Variants in HIPK3 observed in about 807,000 individuals in gnomAD.
HIPK3 encodes the protein homeodomain-interacting protein kinase 3.
HIPK3 carries 47 observed loss-of-function variants against 124.2 expected under a neutral mutation model. The ratio of observed to expected loss-of-function variants is 0.38; its 90% CI spans 0.30 to 0.48. The LOEUF is 0.48. HIPK3 is among the 20% of genes least tolerant of loss of function. The pLI, the probability that HIPK3 is intolerant of heterozygous loss-of-function variation, is 0.98. For missense variants in HIPK3, 1,286 were observed against 1,454.3 expected (o/e 0.88, Z 1.88); for synonymous variants, 482 against 515.2 (o/e 0.94, Z 0.87).
chr11:33,258,228 T>C (rs1203690776), intron 1 of HIPK3: 2 of 672,160 alleles, frequency 3.0e-6, no homozygotes, highest in African/African-American at 2.0e-5. Flanking sequence ...CTGCCAAGGT[T>C]GCGCAACGGC....
chr11:33,350,202 C>T (rs1407066009), intron 14 of HIPK3, among the ~76,000 whole-genome samples: 2 of 152,270 alleles, frequency 1.3e-5, no homozygotes, highest in East Asian at 3.9e-4. Flanking sequence ...ATGAAGTACT[C>T]ACTGGCCCAC....
At chr11:33,325,896 A>G (rs12289472) in intron 2 of HIPK3, among the ~76,000 whole-genome samples, 17 of 152,126 alleles carry the variant, frequency 1.1e-4, no homozygotes, top group Admixed American at 9.8e-4. Flanking sequence ...GTATACATCC[A>G]TACACACACT....
intron 2 of HIPK3, among the ~76,000 whole-genome samples, chr11:33,316,181 G>A (rs1166233752): frequency 6.6e-6 from 1 of 152,156 alleles, no homozygotes. Flanking sequence ...TTTGAAATCT[G>A]TCTACCTTTC....
intron 2 of HIPK3, among the ~76,000 whole-genome samples, chr11:33,317,945 C>T (rs1157769262): frequency 6.6e-6 from 1 of 152,028 alleles, no homozygotes; most frequent in East Asian, 1.9e-4. Flanking sequence ...TCTGTGTCCC[C>T]CAAAATAAGA....
chr11:33,293,663 T>A (rs1252511794), intron 2 of HIPK3, among the ~76,000 whole-genome samples: 2 of 152,182 alleles, frequency 1.3e-5, no homozygotes, highest in Admixed American at 1.3e-4. Context: ...ATTTTACGTA[T>A]ACATTCATCA....
chr11:33,330,311 G>T (rs939860889), intron 3 of HIPK3, among the ~76,000 whole-genome samples: 1 of 151,914 alleles, frequency 6.6e-6, no homozygotes, highest in Non-Finnish European at 1.5e-5. Context: ...GTTCAGTGGG[G>T]TTTTTTTGTC....
intron 2 of HIPK3, among the ~76,000 whole-genome samples, chr11:33,296,983 G>C (rs796276986): frequency 2.3e-4 from 35 of 152,254 alleles, no homozygotes; most frequent in African/African-American, 7.9e-4. Flanking sequence ...GTGGCAAACA[G>C]TCAAGTGGCG....
intron 8 of HIPK3, 87 bp downstream of exon 8, chr11:33,341,773 T>C (rs1590188033): frequency 7.8e-7 from 1 of 1,274,892 alleles, no homozygotes; most frequent in Non-Finnish European, 1.1e-6. Flanking sequence ...ATATATTGTA[T>C]AATTTTTGCT....
In HIPK3 at chr11:33,353,532, G is replaced by A. The variant is rs1173232803; in HGVS notation, c.3612G>A (p.Leu1204=). 1.2e-6 allele frequency: 2 copies of A among 1,613,100 alleles called. No homozygotes were observed. The highest frequency in any genetic ancestry group is 1.7e-6 in the Non-Finnish European group (2 of 1,179,220). Reference sequence around the variant, plus strand: ...CACCTGCATATACTGGATTTCCACTGAGTCCAACAAAACTCAGCCAGTATC... The same window carrying A: ...CACCTGCATATACTGGATTTCCACTAAGTCCAACAAAACTCAGCCAGTATC... ...AASPAYTGFP[L]SPTKLSQYPY... is the part of the protein sequence containing the mutation. The change falls in exon 17 of 17, where the codon CTG becomes CTA. Residue 1204 remains leucine (L), a synonymous_variant. Coordinates refer to ENST00000303296, the MANE Select transcript of HIPK3 (RefSeq NM_005734.5).
chr11:33,300,332 G>A (rs1346461469), intron 2 of HIPK3, among the ~76,000 whole-genome samples: 1 of 150,242 alleles, frequency 6.7e-6, no homozygotes, highest in Non-Finnish European at 1.5e-5. Flanking sequence ...TGGGTGACAA[G>A]AGCAAGACTC....
intron 12 of HIPK3, 48 bp from the exon 13 acceptor site, chr11:33,348,474 T>G: frequency 1.4e-6 from 2 of 1,433,382 alleles, no homozygotes; most frequent in Non-Finnish European, 1.9e-6. Context: ...GACAATTGAT[T>G]ATACATATTT....
chr11:33,278,075 A>G (rs1851317231), intron 1 of HIPK3, among the ~76,000 whole-genome samples: 1 of 152,158 alleles, frequency 6.6e-6, no homozygotes, highest in Non-Finnish European at 1.5e-5. Flanking sequence ...CAAATTTGTC[A>G]TATTTTCCCT....
chr11:33,257,602 G>A lies in HIPK3; in HGVS notation c.-290G>A. The A allele has an allele frequency of 5.1e-6, 5 of 987,100 alleles. No individual in the cohort carries two copies. The South Asian group carries it at 2.3e-4, about 45-fold the overall frequency. 61.1% of individuals were successfully genotyped at this position (987,100 alleles called of 1,614,324 possible). On this transcript the variant is annotated 5_prime_UTR_variant, in exon 1 of 17. Coordinates refer to ENST00000303296, the MANE Select transcript of HIPK3 (RefSeq NM_005734.5). ...TCCCACTACCCCTCGCCCTAGCCAA[G>A]CCGTCCCCACCCCAAATCCCCGGGA...
chr11:33,291,103 C>G (rs147998733), intron 2 of HIPK3, among the ~76,000 whole-genome samples: 1,720 of 152,226 alleles, frequency 0.011, 29 homozygotes, highest in African/African-American at 0.039. Flanking sequence ...AGTCCTTAAT[C>G]AGGTACTGTT....
At chr11:33,339,321 T>C in intron 5 of HIPK3, 29 bp from the exon 6 acceptor site, 2 of 1,480,534 alleles carry the variant, frequency 1.4e-6, no homozygotes, top group South Asian at 1.2e-5. Context: ...TTATTTTTAC[T>C]TGATGGCTTG....
chr11:33,282,893 T>C (rs1406624866), intron 1 of HIPK3, among the ~76,000 whole-genome samples: 1 of 152,080 alleles, frequency 6.6e-6, no homozygotes, highest in Admixed American at 6.6e-5. Context: ...GCGTGGGCAA[T>C]ACAGTGAGAC....
intron 1 of HIPK3, among the ~76,000 whole-genome samples, chr11:33,283,509 A>C (rs1487233185): frequency 5.9e-5 from 9 of 152,152 alleles, no homozygotes; most frequent in Admixed American, 5.9e-4. Context: ...AGGTCAAGTC[A>C]ACTTAGGAAT....
intron 2 of HIPK3, among the ~76,000 whole-genome samples, chr11:33,301,670 G>GCTACCTGGGAGGCTGAGGTGTGAGGAT (rs1852003076): frequency 6.6e-6 from 1 of 151,172 alleles, no homozygotes; most frequent in South Asian, 2.1e-4. Context: ...TGTAATCTCA[G>GCTACCTGGGAGGCTGAGGTGTGAGGAT]CTACCTGGGA....
intron 14 of HIPK3, among the ~76,000 whole-genome samples, chr11:33,350,234 GA>G (rs1853616546): frequency 1.3e-5 from 2 of 152,140 alleles, no homozygotes; most frequent in African/African-American, 4.8e-5. Context: ...CATCCACTAT[GA>G]TTTTTTTCTC....
Sources: allele counts gnomAD v4.1 joint callset (sites outside exome capture counted in the v4.1 genomes callset), GRCh38; gene constraint gnomAD v4.1.1; transcripts MANE v1.5; gene names NCBI Gene and HGNC (gene_info 2026-07-23, HGNC 2026-07-21).